The following FOXRED2 variants were observed in gnomAD, a reference collection of about 807,000 sequenced individuals.
FOXRED2 encodes FAD dependent oxidoreductase domain containing 2.
Under a neutral mutation model 52.5 loss-of-function variants are expected in FOXRED2, and 32 were observed. That is an observed-to-expected ratio of 0.61 (90% CI 0.46 to 0.82). The LOEUF is 0.82. Among genes scored for constraint, FOXRED2 ranks in the 40% least tolerant of loss-of-function variants. FOXRED2 has a pLI of 0.00. For synonymous variants in FOXRED2, 405 were observed against 398.1 expected (o/e 1.02, Z -0.21); for missense variants, 848 against 937.5 (o/e 0.90, Z 1.25).
At chr22:36,502,247 G>A (rs1934075777) in intron 4 of FOXRED2, among the ~76,000 whole-genome samples, 1 of 152,178 alleles carries the variant, frequency 6.6e-6, no homozygotes, top group Non-Finnish European at 1.5e-5. Flanking sequence ...CACTTTGGGA[G>A]GCCGATGGAA....
At chr22:36,504,038 C>G in intron 4 of FOXRED2, 60 bp downstream of exon 4, 1 of 1,567,092 alleles carries the variant, frequency 6.4e-7, no homozygotes, top group African/African-American at 1.3e-5. Context: ...ACCCTGTTCC[C>G]CTAGGGAGGG....
chr22:36,490,510 G>T (rs538302551), intron 8 of FOXRED2, among the ~76,000 whole-genome samples: 1 of 152,350 alleles, frequency 6.6e-6, no homozygotes, highest in East Asian at 1.9e-4. Context: ...GAAGAACAAG[G>T]CTCCAAAATA....
At chr22:36,490,692 G>C (rs928263353) in intron 8 of FOXRED2, among the ~76,000 whole-genome samples, 1 of 152,188 alleles carries the variant, frequency 6.6e-6, no homozygotes, top group Non-Finnish European at 1.5e-5. Flanking sequence ...CTGCAAAGAC[G>C]CAGTCCCTCA....
At chr22:36,497,924 G>T in intron 6 of FOXRED2, 67 bp downstream of exon 6, 1 of 1,528,620 alleles carries the variant, frequency 6.5e-7, no homozygotes. Context: ...GGAATAGGAA[G>T]AGAAGCGCTA....
At chr22:36,492,095 T>C (rs1224001966) in intron 8 of FOXRED2, among the ~76,000 whole-genome samples, 1 of 152,190 alleles carries the variant, frequency 6.6e-6, no homozygotes, top group Non-Finnish European at 1.5e-5. Context: ...TGTTTATTTC[T>C]GACTCTTAGC....
Position 36,489,858 on chromosome 22 carries a change from C to A in FOXRED2, c.*150G>T. On this transcript the variant is annotated 3_prime_UTR_variant, in exon 9 of 9. Coordinates refer to ENST00000397224, the MANE Select transcript of FOXRED2 (RefSeq NM_001102371.2). ...CCGACTTTCAGCCCTCACGTGCCATCTGGTGGCTTTGCTGCAGACACTGCC... is the reference window on the plus strand; with the variant it reads ...CCGACTTTCAGCCCTCACGTGCCATATGGTGGCTTTGCTGCAGACACTGCC... The A allele has an allele frequency of 2.7e-6, 2 of 748,614 alleles. No individual in the cohort carries two copies. The highest frequency in any genetic ancestry group is 3.5e-4 in the Middle Eastern group (1 of 2,876). The allele number at this position is 748,614 out of a possible 1,614,324, so 46.4% of individuals were successfully genotyped here. A position where few individuals can be genotyped will look rare whatever the true frequency, so the allele number is the denominator to read the frequency against.
intron 4 of FOXRED2, 24 bp from the exon 5 acceptor site, chr22:36,501,431 T>C (rs776025436): frequency 1.9e-6 from 3 of 1,611,110 alleles, no homozygotes. Flanking sequence ...GGGCTGTTCA[T>C]GAAAATAGCT....
chr22:36,505,833 A>G, intron 2 of FOXRED2, 63 bp downstream of exon 2: 1 of 1,539,140 alleles, frequency 6.5e-7, no homozygotes, highest in Non-Finnish European at 8.9e-7. Context: ...TGGCCAATCA[A>G]GGTGTGTGGT....
rs1568991007 is a variant in FOXRED2 at position 36,501,301 on chromosome 22, T to C, written c.1156A>G (p.Ser386Gly). The C allele has an allele frequency of 1.2e-6, 2 of 1,614,160 alleles. No individual in the cohort carries two copies. Among genetic ancestry groups the C allele is most frequent in the Admixed American group, 1.7e-5 (1 of 60,012 alleles). The change falls in exon 5 of 9, where the codon AGC becomes GGC. Residue 386 changes from serine to glycine, a missense_variant. Ser to Gly is a moderately conservative substitution (Grantham distance 56). Transcript: ENST00000397224. ...GATTTCCGGTAGTCCACCGAGTGGCTGGCAGTACCCAGGATAAACAGACCC... is the reference window on the plus strand; with the variant it reads ...GATTTCCGGTAGTCCACCGAGTGGCCGGCAGTACCCAGGATAAACAGACCC... Reference protein sequence around the residue: ...SRGLFILGTASHSVDYRKSAG... With the variant: ...SRGLFILGTAGHSVDYRKSAG...
intron 4 of FOXRED2, 62 bp from the exon 5 acceptor site, chr22:36,501,469 G>T (rs536300441): frequency 1.9e-6 from 3 of 1,548,398 alleles, no homozygotes; most frequent in South Asian, 2.3e-5. Context: ...TATTTATTTA[G>T]TTAGTTTTGA....
chr22:36,503,316 CTT>C (rs201708922), intron 4 of FOXRED2, among the ~76,000 whole-genome samples: 37 of 137,874 alleles, frequency 2.7e-4, no homozygotes, highest in Admixed American at 4.4e-4. Flanking sequence ...ATTCTTCTTT[CTT>C]TTTTTTTTTT....
rs753004037 is a variant in FOXRED2, at chr22:36,505,888, G to A, written c.527+8C>T. The A allele has an allele frequency of 2.5e-6, 4 of 1,605,034 alleles. No individual in the cohort carries two copies. The highest frequency in any genetic ancestry group is 2.2e-5 in the East Asian group (1 of 44,614). ...GCTTCCGCAGGTGAGCTCTGGCACC[G>A]GCCTTACCTGCACTGATGCACCTGG... On this transcript the variant is annotated splice_region_variant and intron_variant, in intron 2 of 8. Transcript: ENST00000397224.
Position 36,489,946 on chromosome 22 carries a change from G to A in FOXRED2, c.*62C>T. Reference sequence around the variant, plus strand: ...GAGTGTGAGGTTGCGGGGAAAGAGGGACTGACCATGGGCCTAGGTGGGGAG... The same window carrying A: ...GAGTGTGAGGTTGCGGGGAAAGAGGAACTGACCATGGGCCTAGGTGGGGAG... On this transcript the variant is annotated 3_prime_UTR_variant, in exon 9 of 9. Transcript: ENST00000397224. 6.8e-7 allele frequency: 1 copy of A among 1,474,126 alleles called. No homozygotes were observed. Among genetic ancestry groups the A allele is most frequent in the Non-Finnish European group, 9.1e-7 (1 of 1,100,980 alleles). The allele number at this position is 1,474,126 out of a possible 1,614,324, so 91.3% of individuals were successfully genotyped here.
chr22:36,503,218 A>C (rs1055508396), intron 4 of FOXRED2, among the ~76,000 whole-genome samples: 1 of 150,552 alleles, frequency 6.6e-6, no homozygotes, highest in African/African-American at 2.5e-5. Context: ...TGAACTCCTG[A>C]GCTGAAGTAG....
In FOXRED2 at chr22:36,493,605, C is replaced by G. The variant is rs1187409373; in HGVS notation, c.1795+28G>C. On this transcript the variant is annotated intron_variant, in intron 8 of 8. Coordinates refer to ENST00000397224, the MANE Select transcript of FOXRED2 (RefSeq NM_001102371.2). ...CCTTTCTTCAACCTGGAGCTCAGAC[C>G]CTTTGTCTTTCTGGGAGCTTAAGTT... 7 of 1,605,490 alleles carry G rather than the reference C, an allele frequency of 4.4e-6. No individual in the cohort carries two copies. In the African/African-American group the frequency reaches 8.0e-5, roughly 18 times the overall value.
At chr22:36,505,834 G>C in intron 2 of FOXRED2, 62 bp downstream of exon 2, 1 of 1,541,474 alleles carries the variant, frequency 6.5e-7, no homozygotes. Flanking sequence ...GGCCAATCAA[G>C]GTGTGTGGTT....
rs986474391 is a variant in FOXRED2 at position 36,504,585 on chromosome 22, T to C, written c.709A>G (p.Asn237Asp). 10 of 1,613,998 alleles carry C rather than the reference T, an allele frequency of 6.2e-6. No homozygotes were observed. The African/African-American group carries it at 8.0e-5, about 13-fold the overall frequency. The change falls in exon 3 of 9, where the codon AAC becomes GAC. Residue 237 changes from asparagine (N) to aspartate (D), a missense_variant. Transcript: ENST00000397224. ...ETAENILGVT[N>D]FIHMLSRSRV... Reference sequence around the variant, plus strand: ...GAGCGGCTGAGCATATGGATAAAGTTTGTGACACCCAAGATGTTCTCTGCT... The same window carrying C: ...GAGCGGCTGAGCATATGGATAAAGTCTGTGACACCCAAGATGTTCTCTGCT...
intron 8 of FOXRED2, among the ~76,000 whole-genome samples, chr22:36,490,735 G>A (rs545102768): frequency 1.3e-5 from 2 of 152,358 alleles, no homozygotes; most frequent in South Asian, 2.1e-4. Context: ...CATGTGCAAA[G>A]TTCTGATCTA....
At chr22:36,502,817 C>T (rs1185316336) in intron 4 of FOXRED2, among the ~76,000 whole-genome samples, 4 of 152,044 alleles carry the variant, frequency 2.6e-5, no homozygotes, top group Non-Finnish European at 4.4e-5. Context: ...CTCAGCCTCC[C>T]GAGTAGCTGG....
Sources: gnomAD v4.1 joint callset for allele counts (sites outside exome capture counted in the v4.1 genomes callset) on GRCh38, gnomAD v4.1.1 for gene constraint, MANE v1.5 for transcripts, NCBI Gene and HGNC (gene_info 2026-07-23, HGNC 2026-07-21) for gene names.